The following OR6N1 variants were observed in gnomAD, a reference collection of about 807,000 sequenced individuals.
OR6N1 encodes the protein olfactory receptor 6N1.
For synonymous variants in OR6N1, 170 were observed against 150.7 expected (o/e 1.13, Z -0.94); for missense variants, 394 against 371.7 (o/e 1.06, Z -0.49).
the OR6N1 span, among the ~76,000 whole-genome samples, chr1:158,793,334 T>G: frequency 6.6e-6 from 1 of 152,176 alleles, no homozygotes; most frequent in African/African-American, 2.4e-5. Flanking sequence ...TTTTGTGAGT[T>G]TCATAGAAAT....
At chr1:158,829,505 C>T in the OR6N1 span, among the ~76,000 whole-genome samples, 1 of 152,232 alleles carries the variant, frequency 6.6e-6, no homozygotes, top group South Asian at 2.1e-4. Context: ...AGTCCCTCAT[C>T]TCCATCTGAG....
the OR6N1 span, among the ~76,000 whole-genome samples, chr1:158,832,930 C>A: frequency 0.011 from 1,732 of 152,174 alleles, 14 homozygotes; most frequent in Non-Finnish European, 0.018. Flanking sequence ...GTTTTGCCAT[C>A]TTACTTTGTT....
At chr1:158,789,951 G>T in the OR6N1 span, among the ~76,000 whole-genome samples, 1 of 152,162 alleles carries the variant, frequency 6.6e-6, no homozygotes, top group Non-Finnish European at 1.5e-5. Context: ...GTTTTCTTCT[G>T]ATAGTTTTGT....
chr1:158,832,364 T>G, the OR6N1 span, among the ~76,000 whole-genome samples: 1 of 152,010 alleles, frequency 6.6e-6, no homozygotes, highest in East Asian at 1.9e-4. Flanking sequence ...TAATTATGTT[T>G]GAAAAATCTA....
the OR6N1 span, chr1:158,777,583 G>A: frequency 2.9e-5 from 46 of 1,613,906 alleles, no homozygotes; most frequent in Middle Eastern, 1.6e-4. Flanking sequence ...GCCCACACTG[G>A]CAAAGCCAAG....
the OR6N1 span, among the ~76,000 whole-genome samples, chr1:158,819,981 A>T: frequency 1.3e-4 from 20 of 152,354 alleles, no homozygotes; most frequent in South Asian, 6.2e-4. Flanking sequence ...CAGCCTTCAG[A>T]GCTGACAGCC....
the OR6N1 span, chr1:158,777,420 C>T: frequency 1.2e-6 from 2 of 1,614,102 alleles, no homozygotes; most frequent in Non-Finnish European, 1.7e-6. Flanking sequence ...TAGCTGTATA[C>T]CACAACTCCA....
chr1:158,799,624 A>C, the OR6N1 span, among the ~76,000 whole-genome samples: 1 of 152,226 alleles, frequency 6.6e-6, no homozygotes, highest in Admixed American at 6.5e-5. Context: ...CTTCTGTGGG[A>C]GATTTAATGA....
chr1:158,774,057 C>T, upstream of OR6N1, among the ~76,000 whole-genome samples: 1 of 152,192 alleles, frequency 6.6e-6, no homozygotes, highest in East Asian at 1.9e-4. Context: ...TTCCCAAAAA[C>T]TATGAGCAGA....
the OR6N1 span, among the ~76,000 whole-genome samples, chr1:158,813,248 C>A: frequency 1.3e-5 from 2 of 152,210 alleles, no homozygotes; most frequent in Admixed American, 1.3e-4. Flanking sequence ...ACCCAGTAAT[C>A]GTATTTCTAA....
At chr1:158,833,137 C>A in the OR6N1 span, among the ~76,000 whole-genome samples, 37 of 152,230 alleles carry the variant, frequency 2.4e-4, 1 homozygote, top group African/African-American at 8.9e-4. Context: ...TCTGGCTTTA[C>A]TTATTTTTAA....
the OR6N1 span, among the ~76,000 whole-genome samples, chr1:158,838,365 A>G: frequency 4.2e-3 from 639 of 152,136 alleles, 7 homozygotes; most frequent in Non-Finnish European, 6.3e-3. Flanking sequence ...AGCATTTTTG[A>G]TGGACAGACT....
the OR6N1 span, among the ~76,000 whole-genome samples, chr1:158,786,909 C>T: frequency 6.6e-6 from 1 of 152,140 alleles, no homozygotes; most frequent in Non-Finnish European, 1.5e-5. Context: ...GCTCAGGTGA[C>T]AGGTGCACCA....
chr1:158,839,017 T>C, the OR6N1 span, among the ~76,000 whole-genome samples: 19 of 152,286 alleles, frequency 1.2e-4, no homozygotes, highest in African/African-American at 4.6e-4. Context: ...TTCCTTTAAC[T>C]CATTTATCAT....
chr1:158,794,482 C>T, the OR6N1 span, among the ~76,000 whole-genome samples: 1 of 152,172 alleles, frequency 6.6e-6, no homozygotes, highest in African/African-American at 2.4e-5. Context: ...TCGAGCCACC[C>T]AGTGGGGATT....
the OR6N1 span, among the ~76,000 whole-genome samples, chr1:158,814,192 A>G: frequency 2.0e-5 from 3 of 152,308 alleles, no homozygotes; most frequent in African/African-American, 7.2e-5. Context: ...ATCCTAGATG[A>G]TAGAACTTTA....
the OR6N1 span, among the ~76,000 whole-genome samples, chr1:158,800,050 C>T: frequency 1.3e-5 from 2 of 152,100 alleles, no homozygotes; most frequent in Non-Finnish European, 2.9e-5. Flanking sequence ...CATTCTCAGT[C>T]TGTTTCTAAG....
the OR6N1 span, among the ~76,000 whole-genome samples, chr1:158,777,877 A>C: frequency 6.6e-6 from 1 of 152,204 alleles, no homozygotes; most frequent in Non-Finnish European, 1.5e-5. Flanking sequence ...TTTATACTTC[A>C]ATGAGATAAG....
At chr1:158,825,462 G>T in the OR6N1 span, among the ~76,000 whole-genome samples, 2 of 149,794 alleles carry the variant, frequency 1.3e-5, no homozygotes, top group South Asian at 4.2e-4. Context: ...GTGAGCAAAA[G>T]ACATGAATAG....
Sources: allele counts gnomAD v4.1 joint callset (sites outside exome capture counted in the v4.1 genomes callset), GRCh38; gene constraint gnomAD v4.1.1; transcripts MANE v1.5; gene names NCBI Gene and HGNC (gene_info 2026-07-23, HGNC 2026-07-21).